ZNF704: variants seen among roughly 807,000 people sequenced by gnomAD.
ZNF704 encodes the protein glucocorticoid induced gene 1.
ZNF704 carries 10 observed loss-of-function variants against 44.7 expected under a neutral mutation model. The observed-to-expected ratio is 0.22, with a 90% CI of 0.14 to 0.38. The LOEUF (loss-of-function observed/expected upper bound fraction) is 0.38. Among genes scored for constraint, ZNF704 ranks in the 10% least tolerant of loss-of-function variants. The pLI, the probability that ZNF704 is intolerant of heterozygous loss-of-function variation, is 1.00. For synonymous variants in ZNF704, 211 were observed against 207.6 expected (o/e 1.02, Z -0.14); for missense variants, 390 against 545.5 (o/e 0.71, Z 2.84).
chr8:80,875,302 A>C (rs1303758490), upstream of ZNF704, among the ~76,000 whole-genome samples: 1 of 151,762 alleles, frequency 6.6e-6, no homozygotes, highest in African/African-American at 2.4e-5. Context: ...ATTTTTATTT[A>C]TATATATTTC....
At chr8:80,774,229 A>ATTTG (rs1042103818) in intron 2 of ZNF704, among the ~76,000 whole-genome samples, 5 of 151,466 alleles carry the variant, frequency 3.3e-5, no homozygotes, top group South Asian at 4.2e-4. Context: ...ATGCCTGGCT[A>ATTTG]TTTGTTTGTT....
intron 2 of ZNF704, among the ~76,000 whole-genome samples, chr8:80,739,425 G>A (rs1806719474): frequency 6.7e-6 from 1 of 148,260 alleles, no homozygotes; most frequent in Non-Finnish European, 1.5e-5. Context: ...TGTGTAGATG[G>A]AGAAATGGAA....
chr8:80,675,417 T>G (rs1176462852), intron 4 of ZNF704, among the ~76,000 whole-genome samples: 1 of 152,030 alleles, frequency 6.6e-6, no homozygotes, highest in Non-Finnish European at 1.5e-5. Context: ...TCTTCTAAAA[T>G]AAAAGAGAAG....
chr8:80,787,590 A>G (rs750796977), intron 2 of ZNF704, among the ~76,000 whole-genome samples: 29 of 152,208 alleles, frequency 1.9e-4, no homozygotes, highest in African/African-American at 1.2e-4. Context: ...CAGCTGAGTC[A>G]ATATGGCTGA....
At position 80,869,055 on chromosome 8, in the gene ZNF704, T is replaced by C. The variant is rs184641272; in HGVS notation, c.-22+5516A>G. 3.3e-5 allele frequency among the ~76,000 whole-genome samples: 5 copies of C among 152,346 alleles called. No homozygotes were observed. In the East Asian group the frequency reaches 9.6e-4, roughly 29 times the overall value. On this transcript the variant is annotated intron_variant, in intron 1 of 8. Coordinates refer to ENST00000327835, the MANE Select transcript of ZNF704 (RefSeq NM_001033723.3). ...TGCTCTGATGCCTAACAGCTTTTTA[T>C]CTTTAAATAAGTCGCTCATCCCTTC...
At chr8:80,719,621 T>G (rs1226618691) in intron 2 of ZNF704, among the ~76,000 whole-genome samples, 2 of 152,222 alleles carry the variant, frequency 1.3e-5, no homozygotes, top group Non-Finnish European at 2.9e-5. Flanking sequence ...TCAGAAGGGC[T>G]TCTTGCTCCC....
intron 4 of ZNF704, among the ~76,000 whole-genome samples, chr8:80,674,150 G>T (rs1299481806): frequency 6.6e-6 from 1 of 152,190 alleles, no homozygotes; most frequent in Non-Finnish European, 1.5e-5. Flanking sequence ...CAAGGAGACG[G>T]TTCACAAATT....
intron 3 of ZNF704, among the ~76,000 whole-genome samples, chr8:80,687,754 G>GA (rs202098680): frequency 5.3e-5 from 8 of 151,870 alleles, no homozygotes; most frequent in Admixed American, 2.0e-4. Flanking sequence ...GGGATTATAT[G>GA]AAAAAAAAGA....
chr8:80,710,809 T>C (rs1818974019), intron 2 of ZNF704, among the ~76,000 whole-genome samples: 1 of 152,212 alleles, frequency 6.6e-6, no homozygotes, highest in Non-Finnish European at 1.5e-5. Context: ...AAGTCTGATA[T>C]TTTGTTATAG....
At chr8:80,667,044 G>C (rs1484249298) in intron 5 of ZNF704, among the ~76,000 whole-genome samples, 1 of 152,164 alleles carries the variant, frequency 6.6e-6, no homozygotes, top group Non-Finnish European at 1.5e-5. Context: ...TGACGTTTGA[G>C]TAGAGACCTG....
At chr8:80,689,350 A>G (rs1320880302) in intron 3 of ZNF704, among the ~76,000 whole-genome samples, 1 of 152,216 alleles carries the variant, frequency 6.6e-6, no homozygotes, top group Non-Finnish European at 1.5e-5. Context: ...GAAACTACCC[A>G]TCTCATTACA....
At chr8:80,803,045 C>T (rs144358489) in intron 2 of ZNF704, among the ~76,000 whole-genome samples, 2 of 152,058 alleles carry the variant, frequency 1.3e-5, no homozygotes, top group Non-Finnish European at 2.9e-5. Context: ...TATATAGTAA[C>T]AACAGGTAAG....
intron 2 of ZNF704, among the ~76,000 whole-genome samples, chr8:80,712,722 A>G (rs1371978283): frequency 6.6e-6 from 1 of 152,078 alleles, no homozygotes; most frequent in Non-Finnish European, 1.5e-5. Flanking sequence ...TAATGAATAA[A>G]AAAAAAAGTA....
chr8:80,815,627 T>C (rs955867506), intron 2 of ZNF704, among the ~76,000 whole-genome samples: 9 of 152,180 alleles, frequency 5.9e-5, no homozygotes, highest in African/African-American at 2.2e-4. Context: ...TAAACACAAA[T>C]GGTGATGATA....
chr8:80,745,219 A>C (rs182708900), intron 2 of ZNF704, among the ~76,000 whole-genome samples: 3 of 152,318 alleles, frequency 2.0e-5, no homozygotes, highest in Admixed American at 2.0e-4. Flanking sequence ...TTCAGGAGCT[A>C]AATAGTTTTA....
At chr8:80,879,267 C>T (rs1444883459), upstream of ZNF704, among the ~76,000 whole-genome samples, 2 of 146,696 alleles carry the variant, frequency 1.4e-5, no homozygotes, top group African/African-American at 2.5e-5. Flanking sequence ...GATGGGGTCT[C>T]GCTCTGTTGC....
At chr8:80,741,484 T>C (rs755197483) in intron 2 of ZNF704, among the ~76,000 whole-genome samples, 1 of 152,158 alleles carries the variant, frequency 6.6e-6, no homozygotes, top group Non-Finnish European at 1.5e-5. Flanking sequence ...GTAGCAGTCT[T>C]AGCCTCCGAA....
In ZNF704 at chr8:80,652,069, T is replaced by C. The variant is rs574109539; in HGVS notation, c.1032+7516A>G. ...GAACAACCTGCTCCTGAATGACTAC[T>C]GGGTACATCACGAAATGAAGGCAGA... On this transcript the variant is annotated intron_variant, in intron 7 of 8. Transcript: ENST00000327835. Among the ~76,000 whole-genome samples, 11 of 152,314 alleles carry C rather than the reference T, an allele frequency of 7.2e-5. No individual in the cohort carries two copies. In the South Asian group the frequency reaches 1.7e-3, roughly 23 times the overall value.
chr8:80,782,054 T>C (rs1807532825), intron 2 of ZNF704, among the ~76,000 whole-genome samples: 1 of 152,196 alleles, frequency 6.6e-6, no homozygotes, highest in Admixed American at 6.5e-5. Flanking sequence ...TATTAGGAAA[T>C]TACTGCTTAG....
Sources: allele counts gnomAD v4.1 joint callset (sites outside exome capture counted in the v4.1 genomes callset), GRCh38; gene constraint gnomAD v4.1.1; transcripts MANE v1.5; gene names NCBI Gene and HGNC (gene_info 2026-07-23, HGNC 2026-07-21).